The following CDH4 variants were observed in gnomAD, a reference collection of about 807,000 sequenced individuals.
CDH4 encodes cadherin 4.
CDH4 carries 33 observed loss-of-function variants against 86.0 expected under a neutral mutation model. The ratio of observed to expected loss-of-function variants is 0.38; its 90% confidence interval spans 0.29 to 0.51. CDH4 has a LOEUF of 0.51. CDH4 is among the 20% of genes least tolerant of loss of function. CDH4 has a pLI of 0.86. For missense variants in CDH4, 1,114 were observed against 1,307.4 expected, an observed-to-expected ratio of 0.85 and a Z score of 2.28; for synonymous variants, 555 against 549.4, an observed-to-expected ratio of 1.01 and a Z score of -0.14.
intron 2 of CDH4, among the ~76,000 whole-genome samples, chr20:61,471,017 G>C (rs186183206): frequency 5.3e-5 from 8 of 151,956 alleles, no homozygotes; most frequent in African/African-American, 1.7e-4. Context: ...ATGTATCTTT[G>C]TCTGGGTGTG....
chr20:61,698,044 C>T (rs974283781), intron 2 of CDH4, among the ~76,000 whole-genome samples: 2 of 152,248 alleles, frequency 1.3e-5, no homozygotes, highest in African/African-American at 4.8e-5. Flanking sequence ...ACTGAGCTGG[C>T]ACCATCTTGG....
chr20:61,488,651 A>G (rs1226303350), intron 2 of CDH4, among the ~76,000 whole-genome samples: 7 of 152,150 alleles, frequency 4.6e-5, no homozygotes, highest in Non-Finnish European at 1.0e-4. Context: ...GAGAGAGAGA[A>G]AAAAAATGGG....
In CDH4 at chr20:61,415,848, C is replaced by T. The variant is rs138731571; in HGVS notation, c.169+160911C>T. Among the ~76,000 whole-genome samples, 282 of 151,830 alleles carry T rather than the reference C, an allele frequency of 1.9e-3. 2 individuals carry two copies. The highest frequency in any genetic ancestry group is 3.4e-3 in the Middle Eastern group (1 of 294). On this transcript the variant is annotated intron_variant, in intron 2 of 15. Transcript: ENST00000614565. ...CCGAGTAGCTGGGATTACAGGTGTGCGCCACCATGCCTGGCTACTTGTCGT... is the reference window on the plus strand; with the variant it reads ...CCGAGTAGCTGGGATTACAGGTGTGTGCCACCATGCCTGGCTACTTGTCGT...
intron 4 of CDH4, among the ~76,000 whole-genome samples, chr20:61,817,076 A>C (rs949435165): frequency 1.3e-5 from 2 of 152,356 alleles, no homozygotes; most frequent in African/African-American, 4.8e-5. Flanking sequence ...GGCTGGGCAC[A>C]TGGCGACCCC....
chr20:61,322,068 C>T (rs1373555028), intron 2 of CDH4, among the ~76,000 whole-genome samples: 1 of 152,062 alleles, frequency 6.6e-6, no homozygotes. Context: ...GGTCAGAGGT[C>T]CCCCCAGGAT....
intron 2 of CDH4, among the ~76,000 whole-genome samples, chr20:61,296,643 T>G (rs1398267833): frequency 6.6e-6 from 1 of 152,134 alleles, no homozygotes; most frequent in Non-Finnish European, 1.5e-5. Context: ...TTTTTTCCAT[T>G]CTGTTCGATT....
chr20:61,338,501 C>G (rs2084632171), intron 2 of CDH4, among the ~76,000 whole-genome samples: 2 of 152,304 alleles, frequency 1.3e-5, no homozygotes, highest in Non-Finnish European at 2.9e-5. Flanking sequence ...GAGGCCCCGT[C>G]TGGACTTGGG....
At chr20:61,640,017 T>G (rs999218799) in intron 2 of CDH4, among the ~76,000 whole-genome samples, 2 of 152,176 alleles carry the variant, frequency 1.3e-5, no homozygotes, top group Non-Finnish European at 2.9e-5. Context: ...TTTATCTTAG[T>G]GGATAGTTCA....
At chr20:61,533,243 C>T (rs556550111) in intron 2 of CDH4, among the ~76,000 whole-genome samples, 10 of 152,302 alleles carry the variant, frequency 6.6e-5, no homozygotes, top group African/African-American at 2.4e-4. Flanking sequence ...ACGGCCCAGA[C>T]AAGGAGTGGC....
At chr20:61,677,967 TATAG>T (rs1467834318) in intron 2 of CDH4, among the ~76,000 whole-genome samples, 1 of 151,810 alleles carries the variant, frequency 6.6e-6, no homozygotes, top group Non-Finnish European at 1.5e-5. Flanking sequence ...GATAATAAAT[TATAG>T]ATAGATGGAT....
At chr20:61,761,117 AT>A (rs1221068980) in intron 3 of CDH4, among the ~76,000 whole-genome samples, 3 of 152,224 alleles carry the variant, frequency 2.0e-5, no homozygotes, top group African/African-American at 7.2e-5. Flanking sequence ...CGAAAAGGAA[AT>A]AGGAGGTAGA....
At chr20:61,752,347 A>G (rs1327583855) in intron 3 of CDH4, among the ~76,000 whole-genome samples, 1 of 151,880 alleles carries the variant, frequency 6.6e-6, no homozygotes, top group Admixed American at 6.6e-5. Context: ...AAAAAAAAAA[A>G]AAAGAACTTC....
rs973828960 is a variant in CDH4 at position 61,501,836 on chromosome 20, T to C, written c.170-241727T>C. ...CTCCTTTCTAGGTAAGTGATTCCGG[T>C]GCTAACGCTGGACACGTGTGTCCTT... is the stretch of plus-strand genomic sequence containing the variant. On this transcript the variant is annotated intron_variant, in intron 2 of 15. Coordinates refer to ENST00000614565, the MANE Select transcript of CDH4 (RefSeq NM_001794.5). This position sits in a 1 kb window ranked among gnomAD's most constrained non-coding sequence, Gnocchi z 4.2. 3.3e-5 allele frequency among the ~76,000 whole-genome samples: 5 copies of C among 152,164 alleles called. No homozygotes were observed. The highest frequency in any genetic ancestry group is 1.2e-4 in the African/African-American group (5 of 41,448).
At chr20:61,309,735 C>G (rs753029817) in intron 2 of CDH4, among the ~76,000 whole-genome samples, 1 of 152,028 alleles carries the variant, frequency 6.6e-6, no homozygotes, top group African/African-American at 2.4e-5. Context: ...TGTAGATTCC[C>G]TTGTCCTTTA....
At chr20:61,288,393 G>T (rs1312813966) in intron 2 of CDH4, among the ~76,000 whole-genome samples, 1 of 152,196 alleles carries the variant, frequency 6.6e-6, no homozygotes, top group Non-Finnish European at 1.5e-5. Context: ...GTGGCCATTG[G>T]TTGCTGGGTG....
At chr20:61,446,108 T>C (rs80121907) in intron 2 of CDH4, among the ~76,000 whole-genome samples, 3,194 of 152,328 alleles carry the variant, frequency 0.021, 67 homozygotes, top group Middle Eastern at 0.048. Flanking sequence ...AGAGATCAAA[T>C]GTGTGGGTCA....
chr20:61,342,875 G>A (rs1476333016), intron 2 of CDH4, among the ~76,000 whole-genome samples: 6 of 152,224 alleles, frequency 3.9e-5, no homozygotes, highest in African/African-American at 9.6e-5. Flanking sequence ...AGTTCTGTGC[G>A]GCGATTATAG....
intron 13 of CDH4, 130 bp from the exon 14 acceptor site, chr20:61,932,855 T>C: frequency 8.0e-7 from 1 of 1,254,622 alleles, no homozygotes; most frequent in African/African-American, 1.5e-5. Context: ...CAGGTGTGCA[T>C]GCACACATGG....
chr20:61,401,423 T>C (rs6142831), intron 2 of CDH4, among the ~76,000 whole-genome samples: 29,212 of 152,034 alleles, frequency 0.19, 3,333 homozygotes, highest in East Asian at 0.29. Flanking sequence ...AATCTCACGA[T>C]TGCACCCCAC....
Sources: gnomAD v4.1 joint callset for allele counts (sites outside exome capture counted in the v4.1 genomes callset) on GRCh38, gnomAD v4.1.1 for gene constraint, Gnocchi (gnomAD v3.1) non-coding constraint, MANE v1.5 for transcripts, NCBI Gene and HGNC (gene_info 2026-07-23, HGNC 2026-07-21) for gene names.